Variants in UBASH3B observed in about 807,000 individuals in gnomAD.
UBASH3B encodes ubiquitin associated and SH3 domain containing B.
Under a neutral mutation model 83.4 loss-of-function variants are expected in UBASH3B, and 37 were observed. The ratio of observed to expected loss-of-function variants is 0.44; its 90% CI spans 0.34 to 0.58. The LOEUF is 0.58. Among genes scored for constraint, UBASH3B ranks in the 20% least tolerant of loss-of-function variants. The pLI is 0.01. For synonymous variants in UBASH3B, 304 were observed against 318.3 expected (o/e 0.96, Z 0.48); for missense variants, 657 against 827.2 (o/e 0.79, Z 2.52).
At chr11:122,777,293 C>T in intron 3 of UBASH3B, 83 bp downstream of exon 3, 2 of 1,433,850 alleles carry the variant, frequency 1.4e-6, no homozygotes, top group Non-Finnish European at 1.9e-6. Flanking sequence ...AAAGGGAGGC[C>T]TCGCAGGAAG....
intron 1 of UBASH3B, among the ~76,000 whole-genome samples, chr11:122,706,471 G>T (rs1354404949): frequency 6.6e-6 from 1 of 152,146 alleles, no homozygotes; most frequent in Non-Finnish European, 1.5e-5. Flanking sequence ...AAATAGCTTT[G>T]TTGCTAACAA....
chr11:122,693,625 C>T (rs879606832), intron 1 of UBASH3B, among the ~76,000 whole-genome samples: 16 of 152,246 alleles, frequency 1.1e-4, no homozygotes, highest in Middle Eastern at 6.8e-3. Flanking sequence ...GTAATCCTGG[C>T]ACTTTGGGAG....
intron 1 of UBASH3B, among the ~76,000 whole-genome samples, chr11:122,725,850 C>CT (rs1565542703): frequency 2.0e-4 from 31 of 152,020 alleles, no homozygotes; most frequent in African/African-American, 7.2e-4. Flanking sequence ...TGCACCACCA[C>CT]GCCGGCCAAT....
chr11:122,788,191 G>A (rs549767500), intron 5 of UBASH3B, among the ~76,000 whole-genome samples: 1 of 152,290 alleles, frequency 6.6e-6, no homozygotes, highest in South Asian at 2.1e-4. Context: ...AGACACTGAT[G>A]TCTAGACATT....
rs879553120 is a variant in UBASH3B, at chr11:122,810,626, A to T, written c.*740A>T. ...GGATACTCAGGAGGAAAGATAAGATACATGTTTGAAGTATTCAATCATAGG... is the reference window on the plus strand; with the variant it reads ...GGATACTCAGGAGGAAAGATAAGATTCATGTTTGAAGTATTCAATCATAGG... On this transcript the variant is annotated 3_prime_UTR_variant, in exon 14 of 14. Transcript: ENST00000284273. The T allele has an allele frequency of 6.6e-6, 1 of 152,656 alleles. No homozygotes were observed. The highest frequency in any genetic ancestry group is 1.5e-5 in the Non-Finnish European group (1 of 68,046). 9.5% of individuals were successfully genotyped at this position (152,656 alleles called of 1,614,324 possible). A position where few individuals can be genotyped will look rare whatever the true frequency, so the allele number is the denominator to read the frequency against.
chr11:122,696,341 C>CTTTTTTTTTTTTTTT (rs10632310), intron 1 of UBASH3B, among the ~76,000 whole-genome samples: 14 of 146,072 alleles, frequency 9.6e-5, no homozygotes, highest in South Asian at 4.3e-4. Flanking sequence ...TTTCTTTTTT[C>CTTTTTTTTTTTTTTT]TTTTTGTTTT....
At chr11:122,730,884 C>T (rs1337960590) in intron 1 of UBASH3B, among the ~76,000 whole-genome samples, 18 of 152,320 alleles carry the variant, frequency 1.2e-4, no homozygotes, top group African/African-American at 2.4e-5. Context: ...CATGGGCCAC[C>T]GCTCCTGGCC....
chr11:122,730,932 G>T (rs1860834462), intron 1 of UBASH3B, among the ~76,000 whole-genome samples: 1 of 152,144 alleles, frequency 6.6e-6, no homozygotes, highest in Non-Finnish European at 1.5e-5. Context: ...TCCTTGTCTT[G>T]CTGTCTTTCA....
intron 4 of UBASH3B, 177 bp from the exon 5 acceptor site, chr11:122,782,876 T>A (rs1860879612): frequency 2.8e-6 from 2 of 713,036 alleles, no homozygotes; most frequent in Admixed American, 5.8e-5. Context: ...ATTCGGAATC[T>A]CTTGCCATCC....
intron 3 of UBASH3B, 78 bp from the exon 4 acceptor site, chr11:122,779,419 G>A: frequency 1.3e-6 from 2 of 1,516,490 alleles, no homozygotes; most frequent in African/African-American, 1.4e-5. Context: ...TCTCTGGGGA[G>A]AGGATGCCAA....
chr11:122,659,635 T>C (rs1451960315), intron 1 of UBASH3B, among the ~76,000 whole-genome samples: 1 of 152,206 alleles, frequency 6.6e-6, no homozygotes, highest in Non-Finnish European at 1.5e-5. Flanking sequence ...CTCTTGAGCT[T>C]TATGCCTGGA....
intron 1 of UBASH3B, among the ~76,000 whole-genome samples, chr11:122,686,931 G>A (rs1197377806): frequency 6.6e-6 from 1 of 151,508 alleles, no homozygotes; most frequent in Non-Finnish European, 1.5e-5. Flanking sequence ...ACAGTGGTGC[G>A]GTCTGGGCTC....
chr11:122,768,529 T>A (rs1461817683), intron 1 of UBASH3B, among the ~76,000 whole-genome samples: 1 of 149,838 alleles, frequency 6.7e-6, no homozygotes, highest in Non-Finnish European at 1.5e-5. Context: ...TATTTGAGAC[T>A]GAGCCTCACT....
At chr11:122,773,982 A>ACTTTAATT in intron 1 of UBASH3B, 1 of 984,808 alleles carries the variant, frequency 1.0e-6, no homozygotes, top group East Asian at 1.1e-4. Flanking sequence ...TTTTTTGGTG[A>ACTTTAATT]CTTTAATTCC....
At chr11:122,661,345 G>A (rs1032305674) in intron 1 of UBASH3B, among the ~76,000 whole-genome samples, 11 of 152,168 alleles carry the variant, frequency 7.2e-5, no homozygotes, top group Non-Finnish European at 1.5e-4. Flanking sequence ...GTTGAGAAGC[G>A]GCATGTGGAG....
chr11:122,782,746 G>A (rs768844142), intron 4 of UBASH3B: 7 of 274,444 alleles, frequency 2.6e-5, no homozygotes, highest in Non-Finnish European at 4.1e-5. Flanking sequence ...TCTGAAAGGT[G>A]GGGCTGGTGA....
intron 1 of UBASH3B, among the ~76,000 whole-genome samples, chr11:122,669,888 C>T (rs1863570756): frequency 6.6e-6 from 1 of 152,196 alleles, no homozygotes; most frequent in South Asian, 2.1e-4. Flanking sequence ...CAATCAACTG[C>T]ACACTCAAGA....
At chr11:122,748,868 G>C (rs755408261) in intron 1 of UBASH3B, among the ~76,000 whole-genome samples, 1 of 152,186 alleles carries the variant, frequency 6.6e-6, no homozygotes, top group Non-Finnish European at 1.5e-5. Context: ...AAAAGAGTGA[G>C]TACACGGAAG....
chr11:122,801,439 AGTT>A (rs1861257846), intron 11 of UBASH3B, 107 bp downstream of exon 11: 1 of 1,254,738 alleles, frequency 8.0e-7, no homozygotes, highest in Non-Finnish European at 1.1e-6. Flanking sequence ...ACCTACAGGC[AGTT>A]GTCCATAGTG....
Sources: allele counts gnomAD v4.1 joint callset (sites outside exome capture counted in the v4.1 genomes callset), GRCh38; gene constraint gnomAD v4.1.1; transcripts MANE v1.5; gene names NCBI Gene and HGNC (gene_info 2026-07-23, HGNC 2026-07-21).